ANKRD30B: variants seen among roughly 807,000 people sequenced by gnomAD.
ANKRD30B encodes ankyrin repeat domain 30B.
A neutral mutation model predicts 202.2 loss-of-function variants in ANKRD30B; 144 were observed. That is an observed-to-expected ratio of 0.71 (90% CI 0.62 to 0.82). The LOEUF (loss-of-function observed/expected upper bound fraction) is 0.82, where lower values mean the gene tolerates loss of function less well. Ranked by LOEUF, ANKRD30B falls within the 40% of genes least tolerant of loss-of-function variation. ANKRD30B has a pLI of 0.00. For missense variants in ANKRD30B, 1,487 were observed against 1,669.1 expected (o/e 0.89, Z 1.90); for synonymous variants, 508 against 561.3 (o/e 0.91, Z 1.34).
intron 15 of ANKRD30B, among the ~76,000 whole-genome samples, chr18:14,789,523 A>G (rs921659728): frequency 1.2e-3 from 189 of 152,194 alleles, no homozygotes; most frequent in African/African-American, 4.1e-3. Flanking sequence ...TATGGTTTTA[A>G]GTCTAACGTT....
intron 30 of ANKRD30B, among the ~76,000 whole-genome samples, chr18:14,819,467 G>T (rs1970295550): frequency 6.8e-6 from 1 of 147,034 alleles, no homozygotes. Context: ...TAATGCCTAG[G>T]TTTTCTTCTA....
intron 20 of ANKRD30B, among the ~76,000 whole-genome samples, chr18:14,798,262 T>A (rs577437662): frequency 7.1e-6 from 1 of 141,048 alleles, no homozygotes; most frequent in Non-Finnish European, 1.5e-5. Flanking sequence ...TGGGGGTGGG[T>A]TAATGAGGGA....
intron 32 of ANKRD30B, among the ~76,000 whole-genome samples, 175 bp from the exon 33 acceptor site, chr18:14,828,103 C>G (rs754862338): frequency 6.6e-6 from 1 of 152,204 alleles, no homozygotes; most frequent in Non-Finnish European, 1.5e-5. Flanking sequence ...TGAAGTCTTG[C>G]AATGTCTCCC....
At chr18:14,848,562 C>G (rs1357669556) in intron 39 of ANKRD30B, among the ~76,000 whole-genome samples, 154 bp from the exon 40 acceptor site, 1 of 147,648 alleles carries the variant, frequency 6.8e-6, no homozygotes, top group Non-Finnish European at 1.5e-5. Context: ...TTTTTTTTTT[C>G]TGTTTAATCT....
the ANKRD30B span, among the ~76,000 whole-genome samples, chr18:14,912,816 T>C: frequency 6.6e-6 from 1 of 152,228 alleles, no homozygotes; most frequent in African/African-American, 2.4e-5. Context: ...GTTTTGGATT[T>C]CTACTTGCCT....
chr18:14,930,319 C>T, the ANKRD30B span, among the ~76,000 whole-genome samples: 4 of 150,596 alleles, frequency 2.7e-5, no homozygotes, highest in Admixed American at 1.3e-4. Context: ...CTCAGAAGGC[C>T]GCACAAGGGC....
At chr18:14,840,448 A>T (rs1327789904) in intron 36 of ANKRD30B, 140 bp from the exon 37 acceptor site, 1 of 311,200 alleles carries the variant, frequency 3.2e-6, no homozygotes, top group African/African-American at 2.2e-5. Context: ...CTGAGGCAGG[A>T]TAATTACTTG....
the ANKRD30B span, among the ~76,000 whole-genome samples, chr18:14,863,116 T>C: frequency 1.0e-3 from 159 of 152,330 alleles, no homozygotes; most frequent in African/African-American, 3.7e-3. Context: ...CTTGAGATTT[T>C]TGGGGACTAC....
At chr18:14,939,573 G>A in the ANKRD30B span, among the ~76,000 whole-genome samples, 1 of 152,182 alleles carries the variant, frequency 6.6e-6, no homozygotes, top group Admixed American at 6.5e-5. Flanking sequence ...AAGAAACAGA[G>A]TGGTCTTGAG....
At position 14,821,199 on chromosome 18, in the gene ANKRD30B, C is replaced by T. The variant is rs374186361; in HGVS notation, c.2642-1284C>T. 3.7e-3 allele frequency among the ~76,000 whole-genome samples: 558 copies of T among 152,082 alleles called. 4 individuals carry two copies. The highest frequency in any genetic ancestry group is 0.012 in the African/African-American group (492 of 41,488). ...ATGGTAGTTTGTATTTCTGTGGGAT[C>T]GGTGGTGATATCCCCTTTATCATTT... On this transcript the variant is annotated intron_variant, in intron 30 of 43. Coordinates refer to ENST00000690538, the MANE Select transcript of ANKRD30B (RefSeq NM_001367607.2).
chr18:14,919,772 T>A, the ANKRD30B span, among the ~76,000 whole-genome samples: 1 of 152,250 alleles, frequency 6.6e-6, no homozygotes, highest in Non-Finnish European at 1.5e-5. Flanking sequence ...CAGGTGACTT[T>A]GATACCCAAC....
At position 14,809,875 on chromosome 18, in the gene ANKRD30B, C is replaced by A. The variant is rs1365261526; in HGVS notation, c.2387-111C>A. 7.5e-6 allele frequency: 8 copies of A among 1,070,638 alleles called. 1 individual carries two copies. The highest frequency in any genetic ancestry group is 1.6e-5 in the African/African-American group (1 of 63,200). 66.3% of individuals were successfully genotyped at this position (1,070,638 alleles called of 1,614,324 possible). A position where few individuals can be genotyped will look rare whatever the true frequency, so the allele number is the denominator to read the frequency against. On this transcript the variant is annotated intron_variant, in intron 26 of 43. Transcript: ENST00000690538. ...AAAAGACCCCAAAACCTAGTGTAAT[C>A]CCTTTTCAATCCAAGCATGAGGATT...
At chr18:14,864,876 T>TTC in the ANKRD30B span, among the ~76,000 whole-genome samples, 2,553 of 151,870 alleles carry the variant, frequency 0.017, 81 homozygotes, top group African/African-American at 0.059. Context: ...GCAAAGCCTC[T>TTC]TCTCTCCTCC....
At chr18:14,878,217 G>T in the ANKRD30B span, among the ~76,000 whole-genome samples, 2 of 152,154 alleles carry the variant, frequency 1.3e-5, no homozygotes, top group Non-Finnish European at 2.9e-5. Flanking sequence ...TTGTGGAACC[G>T]AGCAGATAGT....
intron 32 of ANKRD30B, among the ~76,000 whole-genome samples, chr18:14,827,578 C>T (rs1034729423): frequency 3.9e-5 from 6 of 152,066 alleles, no homozygotes; most frequent in Non-Finnish European, 5.9e-5. Context: ...CACATTTGGT[C>T]GCAGATGTCT....
At chr18:14,847,050 T>TA (rs1971668356) in intron 39 of ANKRD30B, among the ~76,000 whole-genome samples, 1 of 111,126 alleles carries the variant, frequency 9.0e-6, no homozygotes, top group Admixed American at 1.1e-4. Flanking sequence ...TGATTTAGTT[T>TA]TATATATATA....
the ANKRD30B span, among the ~76,000 whole-genome samples, chr18:14,906,120 T>G: frequency 1.3e-5 from 2 of 152,262 alleles, no homozygotes; most frequent in South Asian, 2.1e-4. Context: ...CCACACATTG[T>G]TTAAAGTGGC....
intron 34 of ANKRD30B, among the ~76,000 whole-genome samples, chr18:14,834,804 G>A (rs1376398113): frequency 6.6e-6 from 1 of 151,872 alleles, no homozygotes; most frequent in Non-Finnish European, 1.5e-5. Context: ...TTTATAGTGT[G>A]TCAACAAAAA....
chr18:14,930,808 C>T, the ANKRD30B span, among the ~76,000 whole-genome samples: 3 of 152,310 alleles, frequency 2.0e-5, no homozygotes, highest in South Asian at 2.1e-4. Context: ...CACAGATCTC[C>T]AGGTAGAAGC....
Sources: gnomAD v4.1 joint callset for allele counts (sites outside exome capture counted in the v4.1 genomes callset) on GRCh38, gnomAD v4.1.1 for gene constraint, MANE v1.5 for transcripts, NCBI Gene and HGNC (gene_info 2026-07-23, HGNC 2026-07-21) for gene names.